Variants in LINGO2 observed in about 807,000 individuals in gnomAD.
LINGO2 encodes leucine-rich repeat and immunoglobulin-like domain-containing nogo receptor-interacting protein 2.
Under a neutral mutation model 30.6 loss-of-function variants are expected in LINGO2, and 14 were observed. That is an observed-to-expected ratio of 0.46 (90% CI 0.30 to 0.72). LINGO2 has a LOEUF of 0.72. Ranked by LOEUF, LINGO2 falls within the 30% of genes least tolerant of loss-of-function variation. LINGO2 has a pLI of 0.07. For synonymous variants in LINGO2, 317 were observed against 288.5 expected (o/e 1.10, Z -1.00); for missense variants, 729 against 751.7 (o/e 0.97, Z 0.35).
At chr9:27,958,617 C>T (rs1293719380) in intron 5 of LINGO2, among the ~76,000 whole-genome samples, 2 of 151,978 alleles carry the variant, frequency 1.3e-5, no homozygotes, top group Non-Finnish European at 2.9e-5. Context: ...ATTTTATTAG[C>T]AATTTTTAAA....
chr9:29,176,031 C>T, the LINGO2 span, among the ~76,000 whole-genome samples: 1 of 151,102 alleles, frequency 6.6e-6, no homozygotes, highest in Admixed American at 6.6e-5. Context: ...GGCACCAAGT[C>T]CTCGATCTGC....
the LINGO2 span, among the ~76,000 whole-genome samples, chr9:28,700,078 C>T: frequency 6.6e-6 from 1 of 151,880 alleles, no homozygotes; most frequent in Admixed American, 6.6e-5. Context: ...CTACTCCTAC[C>T]CTTTTGAAAT....
chr9:28,465,035 G>A (rs1825240071), intron 2 of LINGO2, among the ~76,000 whole-genome samples: 1 of 152,176 alleles, frequency 6.6e-6, no homozygotes, highest in Admixed American at 6.5e-5. Flanking sequence ...CCCACATACA[G>A]GCCTGTGGCA....
chr9:28,694,165 T>C, the LINGO2 span, among the ~76,000 whole-genome samples: 2 of 151,948 alleles, frequency 1.3e-5, no homozygotes, highest in African/African-American at 4.8e-5. Flanking sequence ...TGTTTTATTA[T>C]GGACACATTT....
upstream of LINGO2, among the ~76,000 whole-genome samples, chr9:28,673,848 G>A (rs926307949): frequency 4.6e-5 from 7 of 152,058 alleles, no homozygotes; most frequent in East Asian, 1.4e-3. Context: ...CACAATTCAA[G>A]GTAAGTGATA....
intron 4 of LINGO2, among the ~76,000 whole-genome samples, chr9:28,161,718 A>G (rs1376846845): frequency 6.6e-6 from 1 of 152,086 alleles, no homozygotes; most frequent in Admixed American, 6.6e-5. Context: ...GTCACCTATA[A>G]TCTAGTATCT....
At chr9:28,856,662 A>G in the LINGO2 span, among the ~76,000 whole-genome samples, 1 of 152,084 alleles carries the variant, frequency 6.6e-6, no homozygotes. Flanking sequence ...AAAGACTGGA[A>G]GTAGGCAGTA....
chr9:28,249,254 C>G (rs1318574654), intron 4 of LINGO2, among the ~76,000 whole-genome samples: 1 of 152,042 alleles, frequency 6.6e-6, no homozygotes, highest in Non-Finnish European at 1.5e-5. Flanking sequence ...ACCTAAAACT[C>G]TCTACAGTAA....
Position 28,626,727 on chromosome 9 carries a change from A to G in LINGO2, c.-365+43473T>C, listed in dbSNP as rs146247097. Among the ~76,000 whole-genome samples the G allele has an allele frequency of 9.9e-5, 15 of 151,952 alleles. 1 individual carries two copies. The East Asian group carries it at 2.9e-3, about 29-fold the overall frequency. ...CTGTTCTCCAATTTAGATAGTTCCTAGTGGCATTTATTCAGCTTCACTGAT... is the reference window on the plus strand; with the variant it reads ...CTGTTCTCCAATTTAGATAGTTCCTGGTGGCATTTATTCAGCTTCACTGAT... On this transcript the variant is annotated intron_variant, in intron 1 of 5. Transcript: ENST00000379992.
the LINGO2 span, among the ~76,000 whole-genome samples, chr9:29,124,470 C>T: frequency 6.6e-6 from 1 of 152,096 alleles, no homozygotes; most frequent in South Asian, 2.1e-4. Context: ...TCAGAGTGAA[C>T]AGGCAACCTA....
the LINGO2 span, among the ~76,000 whole-genome samples, chr9:28,865,358 TTCA>T: frequency 2.0e-5 from 3 of 152,212 alleles, no homozygotes; most frequent in East Asian, 5.8e-4. Context: ...CCTCCAGCTC[TTCA>T]TCAAGTGTCA....
the LINGO2 span, among the ~76,000 whole-genome samples, chr9:28,729,043 G>A: frequency 2.0e-5 from 3 of 152,122 alleles, no homozygotes; most frequent in East Asian, 3.9e-4. Flanking sequence ...CTGGGGGACT[G>A]GCAGGAATAG....
the LINGO2 span, among the ~76,000 whole-genome samples, chr9:28,675,287 T>C: frequency 6.6e-6 from 1 of 152,130 alleles, no homozygotes; most frequent in Non-Finnish European, 1.5e-5. Flanking sequence ...GACATGGAAG[T>C]AGTGGGAGCA....
chr9:28,692,308 C>A, the LINGO2 span, among the ~76,000 whole-genome samples: 1 of 151,900 alleles, frequency 6.6e-6, no homozygotes, highest in African/African-American at 2.4e-5. Flanking sequence ...AACCCCGTCT[C>A]TACTAAAAAT....
the LINGO2 span, among the ~76,000 whole-genome samples, chr9:29,121,036 C>T: frequency 3.4e-3 from 509 of 151,864 alleles, 1 homozygote; most frequent in Non-Finnish European, 4.3e-3. Flanking sequence ...ATATATACAT[C>T]AAAAAAAGGT....
intron 4 of LINGO2, among the ~76,000 whole-genome samples, chr9:28,291,813 G>C (rs553667637): frequency 6.6e-6 from 1 of 152,148 alleles, no homozygotes; most frequent in Non-Finnish European, 1.5e-5. Flanking sequence ...TTCCAAATTT[G>C]AGAAAAAGTA....
intron 1 of LINGO2, among the ~76,000 whole-genome samples, chr9:28,642,405 A>G (rs373617070): frequency 5.3e-5 from 8 of 152,266 alleles, no homozygotes; most frequent in African/African-American, 1.7e-4. Context: ...ATTTTATTTC[A>G]TACATTTCGA....
At chr9:28,083,126 T>C (rs1390618869) in intron 4 of LINGO2, among the ~76,000 whole-genome samples, 2 of 152,284 alleles carry the variant, frequency 1.3e-5, no homozygotes, top group East Asian at 1.9e-4. Context: ...ATGCTGAGAC[T>C]CACATGCATT....
At chr9:28,289,078 C>A (rs1823624237) in intron 4 of LINGO2, among the ~76,000 whole-genome samples, 3 of 152,030 alleles carry the variant, frequency 2.0e-5, no homozygotes, top group Admixed American at 2.0e-4. Flanking sequence ...AGGGACAGTA[C>A]AAATTTTTAT....
Sources: gnomAD v4.1 joint callset for allele counts (sites outside exome capture counted in the v4.1 genomes callset) on GRCh38, gnomAD v4.1.1 for gene constraint, MANE v1.5 for transcripts, NCBI Gene and HGNC (gene_info 2026-07-23, HGNC 2026-07-21) for gene names.